NDST1: variants seen among roughly 807,000 people sequenced by gnomAD.
The protein encoded by NDST1 is bifunctional heparan sulfate N-deacetylase/N-sulfotransferase 1.
In NDST1, 35 loss-of-function variants were observed where a neutral mutation model predicts 92.8. That is an observed-to-expected ratio of 0.38 (90% CI 0.29 to 0.50). The LOEUF (loss-of-function observed/expected upper bound fraction) is 0.50. Among genes scored for constraint, NDST1 ranks in the 20% least tolerant of loss-of-function variants. The probability of loss-of-function intolerance (pLI) is 0.94; values close to 1 mark genes in which losing one functional copy is unlikely to be tolerated. For synonymous variants in NDST1, 493 were observed against 500.3 expected, an observed-to-expected ratio of 0.99 and a Z score of 0.19; for missense variants, 822 against 1,182.7, an observed-to-expected ratio of 0.69 and a Z score of 4.47.
upstream of NDST1, among the ~76,000 whole-genome samples, chr5:150,503,374 G>A (rs1753314477): frequency 6.6e-6 from 1 of 152,200 alleles, no homozygotes; most frequent in Non-Finnish European, 1.5e-5. Flanking sequence ...CCTGGGAGGT[G>A]GAGGTTGCTT....
chr5:150,521,193 G>T lies in NDST1; in HGVS notation c.-62G>T. The T allele has an allele frequency of 6.7e-7, 1 of 1,484,080 alleles. No homozygotes were observed. Among genetic ancestry groups the T allele is most frequent in the South Asian group, 1.2e-5 (1 of 83,054 alleles). The allele number at this position is 1,484,080 out of a possible 1,614,324, so 91.9% of individuals were successfully genotyped here. A position where few individuals can be genotyped will look rare whatever the true frequency, so the allele number is the denominator to read the frequency against. ...GGACGATTCTCGTGTCTCCTCCTGT[G>T]TGGGGCCTTGGGGTAGCCAGGGCAG... On this transcript the variant is annotated 5_prime_UTR_variant, in exon 2 of 15. Coordinates refer to ENST00000261797, the MANE Select transcript of NDST1 (RefSeq NM_001543.5). The surrounding 1 kb of genome is among the most constrained non-coding windows in gnomAD (Gnocchi z 5.9).
chr5:150,545,333 C>A lies in NDST1; in HGVS notation c.1992C>A (p.Ile664=), dbSNP rs1467222575. The change falls in exon 11 of 15, where the codon ATC becomes ATA. Residue 664 remains isoleucine, a synonymous_variant. Coordinates refer to ENST00000261797, the MANE Select transcript of NDST1 (RefSeq NM_001543.5). ...GIDWYMEFFP[I]PSNTTSDFYF... is the part of the protein sequence containing the mutation. ...GCAGGTACATGGAGTTCTTCCCCAT[C>A]CCTTCCAACACCACCTCCGACTTCT... 1 of 1,614,120 alleles carries A rather than the reference C, an allele frequency of 6.2e-7. No individual in the cohort carries two copies. Among genetic ancestry groups the A allele is most frequent in the African/African-American group, 1.3e-5 (1 of 74,932 alleles).
intron 2 of NDST1, among the ~76,000 whole-genome samples, chr5:150,527,452 G>A (rs73272691): frequency 6.6e-6 from 1 of 152,146 alleles, no homozygotes; most frequent in Admixed American, 6.5e-5. Flanking sequence ...AGTCTAGCAG[G>A]ATTCATGTTC....
rs891354003 is a variant in NDST1 at position 150,521,863 on chromosome 5, G to A, written c.513+96G>A. 5.2e-5 allele frequency: 79 copies of A among 1,515,002 alleles called. No individual in the cohort carries two copies. The highest frequency in any genetic ancestry group is 1.1e-4 in the African/African-American group (8 of 73,182). 93.8% of individuals were successfully genotyped at this position (1,515,002 alleles called of 1,614,324 possible). ...TGAAATAGGTGTAATGGTAGCACCCGCCTCCTGGGGTTGTTGGGAGGGTTA... is the reference window on the plus strand; with the variant it reads ...TGAAATAGGTGTAATGGTAGCACCCACCTCCTGGGGTTGTTGGGAGGGTTA... On this transcript the variant is annotated intron_variant, in intron 2 of 14. Transcript: ENST00000261797. This position sits in a 1 kb window ranked among gnomAD's most constrained non-coding sequence, Gnocchi z 5.9.
In NDST1 at chr5:150,521,797, T is replaced by C; in HGVS notation, c.513+30T>C. The C allele has an allele frequency of 1.2e-6, 2 of 1,609,994 alleles. No homozygotes were observed. Among genetic ancestry groups the C allele is most frequent in the Non-Finnish European group, 1.7e-6 (2 of 1,179,972 alleles). On this transcript the variant is annotated intron_variant, in intron 2 of 14. Coordinates refer to ENST00000261797, the MANE Select transcript of NDST1 (RefSeq NM_001543.5). This position sits in a 1 kb window ranked among gnomAD's most constrained non-coding sequence, Gnocchi z 5.9. ...ACAAGAAGCAGGGTCCCCGAGCAGTTCAGAGCCCCCTCTGCAGCTCAGTGC... is the reference window on the plus strand; with the variant it reads ...ACAAGAAGCAGGGTCCCCGAGCAGTCCAGAGCCCCCTCTGCAGCTCAGTGC...
intron 1 of NDST1, among the ~76,000 whole-genome samples, chr5:150,508,926 G>C (rs1354229233): frequency 6.6e-6 from 1 of 152,196 alleles, no homozygotes; most frequent in African/African-American, 2.4e-5. Flanking sequence ...TCAGAGAAGG[G>C]AAGGGACTTG....
chr5:150,538,188 G>A (rs1239496758), intron 6 of NDST1, among the ~76,000 whole-genome samples: 1 of 152,198 alleles, frequency 6.6e-6, no homozygotes, highest in African/African-American at 2.4e-5. Context: ...TAGGAGGCCG[G>A]GATGGCTGGA....
chr5:150,532,141 T>C (rs969864932), intron 3 of NDST1, among the ~76,000 whole-genome samples: 2 of 152,210 alleles, frequency 1.3e-5, no homozygotes, highest in Admixed American at 1.3e-4. Context: ...TTTTTTACAA[T>C]TGTTTAATCT....
intron 13 of NDST1, among the ~76,000 whole-genome samples, chr5:150,550,193 C>T (rs1166609742): frequency 1.3e-5 from 2 of 151,718 alleles, no homozygotes; most frequent in Non-Finnish European, 2.9e-5. Context: ...CTCAACCTCC[C>T]AGGCTCAAGT....
At chr5:150,527,198 T>C (rs1333061319) in intron 2 of NDST1, among the ~76,000 whole-genome samples, 3 of 152,232 alleles carry the variant, frequency 2.0e-5, no homozygotes, top group Non-Finnish European at 2.9e-5. Context: ...TCCCAACCAC[T>C]GTGCTACTGA....
At chr5:150,530,550 A>G (rs887885206) in intron 3 of NDST1, among the ~76,000 whole-genome samples, 1 of 130,668 alleles carries the variant, frequency 7.7e-6, no homozygotes. Flanking sequence ...AATTTTCCGT[A>G]TTTTAAATTT....
At position 150,535,711 on chromosome 5, in the gene NDST1, TC is replaced by T; in HGVS notation, c.1266del (p.Thr423GlnfsTer33). Reference protein sequence around the residue: ...NKKFAVEHGIPTDMGYAVAPH... With the variant: ...NKKFAVEHGIXTDMGYAVAPH... ...CATCCTCTCCCTAGGAGCATGGCAT[TC>T]CCACAGACATGGGGTATGCAGTGGC... On this transcript the variant is annotated frameshift_variant, in exon 6 of 15. Transcript: ENST00000261797. LOFTEE classifies it high-confidence loss of function. The T allele has an allele frequency of 6.2e-7, 1 of 1,614,148 alleles. No homozygotes were observed. The highest frequency in any genetic ancestry group is 8.5e-7 in the Non-Finnish European group (1 of 1,180,020).
Position 150,532,941 on chromosome 5 carries a change from C to G in NDST1, c.1009-4C>G. The G allele has an allele frequency of 6.2e-7, 1 of 1,614,096 alleles. No individual in the cohort carries two copies. The highest frequency in any genetic ancestry group is 8.5e-7 in the Non-Finnish European group (1 of 1,179,930). ...CTCATTCCTTTCTCCCCTGCCTGTC[C>G]TAGGCCCTGTTTGACACACAGAACG... is the stretch of plus-strand genomic sequence containing the variant. On this transcript the variant is annotated splice_region_variant and splice_polypyrimidine_tract_variant and intron_variant, in intron 3 of 14. Transcript: ENST00000261797.
Position 150,548,259 on chromosome 5 carries a change from C to A in NDST1, c.2187C>A (p.Thr729=), listed in dbSNP as rs963899894. ...AHDDPVALKY[T]FHEVITAGSD... is the part of the protein sequence containing the mutation. ...ACGACCCAGTGGCCCTAAAGTACAC[C>A]TTCCATGAGGTGATTACCGCCGGCT... The change falls in exon 12 of 15, where the codon ACC becomes ACA. Residue 729 remains threonine (T), a synonymous_variant. Coordinates refer to ENST00000261797, the MANE Select transcript of NDST1 (RefSeq NM_001543.5). 2 of 1,614,210 alleles carry A rather than the reference C, an allele frequency of 1.2e-6. No individual in the cohort carries two copies. Among genetic ancestry groups the A allele is most frequent in the Admixed American group, 3.3e-5 (2 of 60,024 alleles).
At chr5:150,551,111 C>T (rs774568897) in intron 13 of NDST1, among the ~76,000 whole-genome samples, 1 of 152,212 alleles carries the variant, frequency 6.6e-6, no homozygotes, top group Non-Finnish European at 1.5e-5. Flanking sequence ...CATAGTTCCT[C>T]ATCCAGGGCT....
chr5:150,525,854 C>G (rs1189559847), intron 2 of NDST1, among the ~76,000 whole-genome samples: 1 of 152,168 alleles, frequency 6.6e-6, no homozygotes, highest in Non-Finnish European at 1.5e-5. Context: ...ACTCATTTTG[C>G]TTTGCCCTGC....
Position 150,521,981 on chromosome 5 carries a change from G to A in NDST1, c.513+214G>A, listed in dbSNP as rs909087001. Among the ~76,000 whole-genome samples the A allele has an allele frequency of 2.6e-5, 4 of 152,142 alleles. No homozygotes were observed. Among genetic ancestry groups the A allele is most frequent in the African/African-American group, 9.7e-5 (4 of 41,416 alleles). ...ATTAGGGGAGCGTGCCAGGGGGATCGCCTGCTGTGCGTGGGGTCCAGCACA... is the reference window on the plus strand; with the variant it reads ...ATTAGGGGAGCGTGCCAGGGGGATCACCTGCTGTGCGTGGGGTCCAGCACA... On this transcript the variant is annotated intron_variant, in intron 2 of 14. Coordinates refer to ENST00000261797, the MANE Select transcript of NDST1 (RefSeq NM_001543.5). This position sits in a 1 kb window ranked among gnomAD's most constrained non-coding sequence, Gnocchi z 5.9.
chr5:150,552,001 A>G (rs1755745036), intron 14 of NDST1, 146 bp downstream of exon 14: 2 of 1,364,396 alleles, frequency 1.5e-6, no homozygotes, highest in South Asian at 1.3e-5. Context: ...AGAGGAGGAA[A>G]ATGGGGGCTG....
Position 150,528,041 on chromosome 5 carries a change from C to T in NDST1, c.751C>T (p.His251Tyr). Residue 251 changes from histidine (H) to tyrosine (Y), a missense_variant, in exon 3 of 15, where the codon CAC (histidine) becomes TAC (tyrosine). Coordinates refer to ENST00000261797, the MANE Select transcript of NDST1 (RefSeq NM_001543.5). Reference protein sequence around the residue: ...AKTRSSESIPHLGADAGLHAA... With the variant: ...AKTRSSESIPYLGADAGLHAA... ...GACGCGCTCGTCTGAGTCCATCCCACACCTGGGCGCAGACGCCGGCCTGCA... is the reference window on the plus strand; with the variant it reads ...GACGCGCTCGTCTGAGTCCATCCCATACCTGGGCGCAGACGCCGGCCTGCA... 6.2e-7 allele frequency: 1 copy of T among 1,613,526 alleles called. No homozygotes were observed. Among genetic ancestry groups the T allele is most frequent in the Non-Finnish European group, 8.5e-7 (1 of 1,179,696 alleles).
Sources: allele counts gnomAD v4.1 joint callset (sites outside exome capture counted in the v4.1 genomes callset), GRCh38; gene constraint gnomAD v4.1.1; non-coding constraint Gnocchi (gnomAD v3.1); transcripts MANE v1.5; gene names NCBI Gene and HGNC (gene_info 2026-07-23, HGNC 2026-07-21).